The following GPATCH2 variants were observed in gnomAD, a reference collection of about 807,000 sequenced individuals.
The protein encoded by GPATCH2 is G patch domain-containing protein 2.
Under a neutral mutation model 58.0 loss-of-function variants are expected in GPATCH2, and 51 were observed. That is an observed-to-expected ratio of 0.88 (90% CI 0.70 to 1.11). The LOEUF is 1.11. GPATCH2 is among the 50% of genes most tolerant of loss of function. GPATCH2 has a pLI of 0.00. For synonymous variants in GPATCH2, 222 were observed against 218.5 expected (o/e 1.02, Z -0.14); for missense variants, 625 against 652.2 (o/e 0.96, Z 0.45).
intron 5 of GPATCH2, among the ~76,000 whole-genome samples, chr1:217,523,399 C>CGTCTG (rs1285673630): frequency 1.3e-5 from 2 of 151,652 alleles, no homozygotes; most frequent in Non-Finnish European, 2.9e-5. Context: ...TGCCTTCAAG[C>CGTCTG]GTCTGTTTAA....
At chr1:217,454,038 T>C (rs540793516) in intron 8 of GPATCH2, among the ~76,000 whole-genome samples, 2 of 152,166 alleles carry the variant, frequency 1.3e-5, no homozygotes, top group African/African-American at 4.8e-5. Flanking sequence ...AGCAGGTCTG[T>C]GGTGTCACTG....
intron 5 of GPATCH2, among the ~76,000 whole-genome samples, chr1:217,581,144 C>T (rs1667063114): frequency 6.6e-6 from 1 of 152,106 alleles, no homozygotes; most frequent in Admixed American, 6.5e-5. Context: ...TAAATTTAAG[C>T]ATCTCCGCTC....
intron 6 of GPATCH2, among the ~76,000 whole-genome samples, chr1:217,500,173 G>A (rs1662227935): frequency 6.6e-6 from 1 of 151,906 alleles, no homozygotes; most frequent in Non-Finnish European, 1.5e-5. Flanking sequence ...GTACCTGCCA[G>A]CCTTCTTAAT....
chr1:217,514,291 C>A (rs1291276694), intron 6 of GPATCH2, among the ~76,000 whole-genome samples: 1 of 151,940 alleles, frequency 6.6e-6, no homozygotes, highest in Non-Finnish European at 1.5e-5. Context: ...TCCTGAGTAG[C>A]TGGGATTACA....
chr1:217,471,479 G>GAT (rs1660719899), intron 8 of GPATCH2, among the ~76,000 whole-genome samples: 1 of 152,108 alleles, frequency 6.6e-6, no homozygotes, highest in South Asian at 2.1e-4. Context: ...GACAGTATGG[G>GAT]GAAGACTGAG....
intron 5 of GPATCH2, among the ~76,000 whole-genome samples, chr1:217,606,992 A>G (rs1408392927): frequency 3.3e-5 from 5 of 152,156 alleles, no homozygotes; most frequent in Admixed American, 3.3e-4. Flanking sequence ...AGGAGGTTCA[A>G]AATCTAACTA....
At chr1:217,578,889 T>C (rs1397607587) in intron 5 of GPATCH2, among the ~76,000 whole-genome samples, 1 of 152,228 alleles carries the variant, frequency 6.6e-6, no homozygotes, top group African/African-American at 2.4e-5. Flanking sequence ...TTCTTCCTAG[T>C]GTGTGAACAT....
intron 9 of GPATCH2, among the ~76,000 whole-genome samples, chr1:217,438,827 G>A (rs1658984147): frequency 6.6e-6 from 1 of 152,076 alleles, no homozygotes; most frequent in South Asian, 2.1e-4. Context: ...CCCCAACCTA[G>A]TAAGACAGGC....
intron 5 of GPATCH2, among the ~76,000 whole-genome samples, chr1:217,539,771 T>C (rs1664644084): frequency 1.3e-5 from 2 of 152,190 alleles, no homozygotes; most frequent in Admixed American, 1.3e-4. Context: ...CTTTATGTAC[T>C]TAGGGAATGT....
chr1:217,610,952 C>A lies in GPATCH2; in HGVS notation c.955G>T (p.Asp319Tyr), dbSNP rs767378603. ...DPTELDKNVP[D>Y]PVFESILTGS... ...GTTAAGATACTTTCAAAGACAGGAT[C>A]TGGTACATTTTTGTCTAGCTCAGTA... Residue 319 changes from aspartate to tyrosine, a missense_variant, in exon 4 of 10, where the codon GAT (aspartate) becomes TAT (tyrosine). By Grantham distance (160) the Asp-to-Tyr change is radical (BLOSUM62 -3). Coordinates refer to ENST00000366935, the MANE Select transcript of GPATCH2 (RefSeq NM_018040.5). The A allele has an allele frequency of 1.2e-6, 2 of 1,613,610 alleles. No individual in the cohort carries two copies. Among genetic ancestry groups the A allele is most frequent in the Non-Finnish European group, 1.7e-6 (2 of 1,179,752 alleles).
At chr1:217,584,940 G>T (rs985508059) in intron 5 of GPATCH2, among the ~76,000 whole-genome samples, 2 of 150,342 alleles carry the variant, frequency 1.3e-5, no homozygotes, top group African/African-American at 4.9e-5. Context: ...GACCCAGAAA[G>T]GTAGAAAAAA....
Position 217,428,037 on chromosome 1 carries a change from T to C in GPATCH2, c.*3108A>G, listed in dbSNP as rs1017617558. The C allele has an allele frequency of 3.9e-5, 6 of 152,148 alleles. No homozygotes were observed. Among genetic ancestry groups the C allele is most frequent in the East Asian group, 3.8e-4 (2 of 5,198 alleles). 9.4% of individuals were successfully genotyped at this position (152,148 alleles called of 1,614,324 possible). A position where few individuals can be genotyped will look rare whatever the true frequency, so the allele number is the denominator to read the frequency against. On this transcript the variant is annotated 3_prime_UTR_variant, in exon 10 of 10. Transcript: ENST00000366935. Reference sequence around the variant, plus strand: ...TGAATGTTTATTTAAAAGGGTGCCATATAGTTTAAAAATAAAAGTAACCAA... The same window carrying C: ...TGAATGTTTATTTAAAAGGGTGCCACATAGTTTAAAAATAAAAGTAACCAA...
intron 9 of GPATCH2, among the ~76,000 whole-genome samples, chr1:217,445,601 G>C (rs375702313): frequency 1.3e-5 from 2 of 152,018 alleles, no homozygotes; most frequent in South Asian, 2.1e-4. Context: ...CATCCACTAA[G>C]TTTCATTATG....
chr1:217,432,802 C>T (rs1288299768), intron 9 of GPATCH2, among the ~76,000 whole-genome samples: 1 of 152,106 alleles, frequency 6.6e-6, no homozygotes, highest in Non-Finnish European at 1.5e-5. Flanking sequence ...TTAGTGAGAA[C>T]ATATTCGGCC....
At chr1:217,547,992 C>T (rs1215543399) in intron 5 of GPATCH2, among the ~76,000 whole-genome samples, 1 of 152,150 alleles carries the variant, frequency 6.6e-6, no homozygotes, top group Admixed American at 6.6e-5. Flanking sequence ...TGCTTGCCTT[C>T]CTTTTGCCTT....
rs569837412 is a variant in GPATCH2, at chr1:217,526,001, C to A, written c.1099-11112G>T. ...ATTATTCAACAATGTGTCATATCAT[C>A]CATTGTGCATACTTTTTGAACTGGG... On this transcript the variant is annotated intron_variant, in intron 5 of 9. Coordinates refer to ENST00000366935, the MANE Select transcript of GPATCH2 (RefSeq NM_018040.5). Among the ~76,000 whole-genome samples, 10 of 152,190 alleles carry A rather than the reference C, an allele frequency of 6.6e-5. No individual in the cohort carries two copies. The South Asian group carries it at 2.1e-3, about 32-fold the overall frequency.
intron 5 of GPATCH2, among the ~76,000 whole-genome samples, chr1:217,587,197 T>G (rs934733052): frequency 6.6e-6 from 1 of 152,262 alleles, no homozygotes; most frequent in East Asian, 1.9e-4. Context: ...CAAATGATAG[T>G]TCTAAAAACA....
rs1257739399 is a variant in GPATCH2, at chr1:217,428,800, C to G, written c.*2345G>C. The G allele has an allele frequency of 6.6e-6, 1 of 152,164 alleles. No homozygotes were observed. The highest frequency in any genetic ancestry group is 1.5e-5 in the Non-Finnish European group (1 of 68,006). 9.4% of individuals were successfully genotyped at this position (152,164 alleles called of 1,614,324 possible). A position where few individuals can be genotyped will look rare whatever the true frequency, so the allele number is the denominator to read the frequency against. ...TTAGGTGTTAGAGAAGCTAAGTTAA[C>G]ATCCCACAGAAGTTGCTTCAGAAGA... On this transcript the variant is annotated 3_prime_UTR_variant, in exon 10 of 10. Transcript: ENST00000366935.
At chr1:217,520,993 T>TACCA (rs1663423715) in intron 5 of GPATCH2, among the ~76,000 whole-genome samples, 1 of 152,164 alleles carries the variant, frequency 6.6e-6, no homozygotes, top group Non-Finnish European at 1.5e-5. Context: ...TACAGGTGTG[T>TACCA]ACCACCATGC....
Sources: allele counts gnomAD v4.1 joint callset (sites outside exome capture counted in the v4.1 genomes callset), GRCh38; gene constraint gnomAD v4.1.1; transcripts MANE v1.5; gene names NCBI Gene and HGNC (gene_info 2026-07-23, HGNC 2026-07-21).